SLC4A7: variants seen among roughly 807,000 people sequenced by gnomAD.
SLC4A7 encodes solute carrier family 4 member 7.
Under a neutral mutation model 137.6 loss-of-function variants are expected in SLC4A7, and 51 were observed. The observed-to-expected ratio is 0.37, with a 90% CI of 0.30 to 0.47. SLC4A7 has a LOEUF of 0.47. Among genes scored for constraint, SLC4A7 ranks in the 20% least tolerant of loss-of-function variants. SLC4A7 has a pLI of 1.00. For synonymous variants in SLC4A7, 542 were observed against 518.6 expected, an observed-to-expected ratio of 1.05 and a Z score of -0.61; for missense variants, 1,247 against 1,525.4, an observed-to-expected ratio of 0.82 and a Z score of 3.04.
chr3:27,411,767 A>C lies in SLC4A7; in HGVS notation c.1660-19T>G. The C allele has an allele frequency of 1.4e-6, 2 of 1,394,642 alleles. No individual in the cohort carries two copies. The highest frequency in any genetic ancestry group is 2.0e-6 in the Non-Finnish European group (2 of 1,024,604). The allele number at this position is 1,394,642 out of a possible 1,614,324, so 86.4% of individuals were successfully genotyped here. On this transcript the variant is annotated intron_variant, in intron 11 of 25. Transcript: ENST00000454389. ...TCTTTTCCTGAATTTCACAAAAAAC[A>C]TTATTTTCAGAATTCTATTTTAAGA...
chr3:27,481,462 T>G (rs1230530533), intron 1 of SLC4A7, among the ~76,000 whole-genome samples: 1 of 152,242 alleles, frequency 6.6e-6, no homozygotes, highest in East Asian at 1.9e-4. Flanking sequence ...TTTGTTCTAC[T>G]TTTTTGGCTA....
At chr3:27,430,395 G>C (rs972913889) in intron 7 of SLC4A7, among the ~76,000 whole-genome samples, 1 of 151,736 alleles carries the variant, frequency 6.6e-6, no homozygotes, top group Non-Finnish European at 1.5e-5. Flanking sequence ...GGCCAAGGTG[G>C]GTGGATCACT....
intron 3 of SLC4A7, among the ~76,000 whole-genome samples, chr3:27,439,634 T>G (rs1203536029): frequency 6.6e-6 from 1 of 152,204 alleles, no homozygotes; most frequent in Non-Finnish European, 1.5e-5. Flanking sequence ...GTAGATTGCT[T>G]AGGATTTGCT....
intron 4 of SLC4A7, 150 bp from the exon 5 acceptor site, chr3:27,436,698 T>G (rs550869408): frequency 3.7e-6 from 2 of 533,982 alleles, no homozygotes; most frequent in Admixed American, 7.0e-5. Context: ...ATTAGGTTAA[T>G]GGTCTACAAT....
intron 6 of SLC4A7, among the ~76,000 whole-genome samples, 167 bp downstream of exon 6, chr3:27,433,749 T>A (rs1197510262): frequency 6.6e-6 from 1 of 152,196 alleles, no homozygotes; most frequent in Non-Finnish European, 1.5e-5. Context: ...TTATGCCTCT[T>A]TAATTAATTA....
In SLC4A7 at chr3:27,420,694, GATTA is replaced by G. The variant is rs771672210; in HGVS notation, c.1512+2_1512+5del. ...ACTTCAAAGAGACTTGGAGTATTCT[GATTA>G]CCTCATCTGTCATGAGAGTGGCTAT... is the stretch of plus-strand genomic sequence containing the variant. On this transcript the variant is annotated splice_donor_variant and splice_donor_5th_base_variant and intron_variant, in intron 10 of 25. Transcript: ENST00000454389. LOFTEE classifies it high-confidence loss of function. 1 of 1,584,676 alleles carries G rather than the reference GATTA, an allele frequency of 6.3e-7. No individual in the cohort carries two copies. The highest frequency in any genetic ancestry group is 1.3e-5 in the African/African-American group (1 of 74,396).
intron 3 of SLC4A7, among the ~76,000 whole-genome samples, chr3:27,440,083 A>G (rs925315635): frequency 1.3e-5 from 2 of 152,188 alleles, no homozygotes; most frequent in Admixed American, 1.3e-4. Flanking sequence ...CTTGGCCATC[A>G]TGCTAGTAAC....
rs553705049 is a variant in SLC4A7 at position 27,463,095 on chromosome 3, A to G, written c.61-10597T>C. Among the ~76,000 whole-genome samples, 56 of 151,560 alleles carry G rather than the reference A, an allele frequency of 3.7e-4. No individual in the cohort carries two copies. The Middle Eastern group carries it at 0.017, about 47-fold the overall frequency. ...AGATCACCCGAGGTCAGGAGAGACCAGCCTGGCCAACATGGCGAAACCTCG... is the reference window on the plus strand; with the variant it reads ...AGATCACCCGAGGTCAGGAGAGACCGGCCTGGCCAACATGGCGAAACCTCG... On this transcript the variant is annotated intron_variant, in intron 1 of 25. Transcript: ENST00000454389.
chr3:27,407,478 C>CA lies in SLC4A7; in HGVS notation c.1941+1877dup, dbSNP rs11319544. Among the ~76,000 whole-genome samples the CA allele has an allele frequency of 4.6e-3, 533 of 116,854 alleles. 1 individual carries two copies. The highest frequency in any genetic ancestry group is 9.3e-3 in the Middle Eastern group (2 of 216). The allele number at this position is 116,854 out of a possible 152,430, so 76.7% of individuals were successfully genotyped here. On this transcript the variant is annotated intron_variant, in intron 13 of 25. Coordinates refer to ENST00000454389, the MANE Select transcript of SLC4A7 (RefSeq NM_001321103.2). Reference sequence around the variant, plus strand: ...CTGGTGACGGAGCGAGACTCCGCCTCAAAAAAAAAAAAAAAAATCAGCCTA... The same window carrying CA: ...CTGGTGACGGAGCGAGACTCCGCCTCAAAAAAAAAAAAAAAAAATCAGCCTA...
chr3:27,409,652 C>A, intron 12 of SLC4A7, 122 bp from the exon 13 acceptor site: 1 of 639,638 alleles, frequency 1.6e-6, no homozygotes, highest in South Asian at 2.3e-5. Context: ...AATGTTAAAT[C>A]CAATTTAACT....
intron 24 of SLC4A7, among the ~76,000 whole-genome samples, chr3:27,380,090 C>T (rs995999271): frequency 3.9e-5 from 6 of 152,072 alleles, no homozygotes; most frequent in East Asian, 1.9e-4. Context: ...GGGCGGATCA[C>T]GAGGTCAGGA....
intron 1 of SLC4A7, among the ~76,000 whole-genome samples, chr3:27,478,058 A>C (rs749637334): frequency 4.6e-5 from 7 of 152,166 alleles, no homozygotes; most frequent in Non-Finnish European, 7.3e-5. Flanking sequence ...AGCTTTTCCA[A>C]ATTGGGAAAT....
chr3:27,452,154 AAG>A (rs2058114036), intron 2 of SLC4A7, among the ~76,000 whole-genome samples: 1 of 152,152 alleles, frequency 6.6e-6, no homozygotes, highest in Non-Finnish European at 1.5e-5. Flanking sequence ...TGAAAAAAAT[AAG>A]AGTTAACTAA....
intron 25 of SLC4A7, among the ~76,000 whole-genome samples, chr3:27,377,056 C>G (rs1452435059): frequency 1.3e-5 from 2 of 151,820 alleles, no homozygotes; most frequent in East Asian, 1.9e-4. Context: ...ATTAAAAATC[C>G]TCTTTGCAAT....
chr3:27,380,018 AAC>A (rs2050256002), intron 24 of SLC4A7, among the ~76,000 whole-genome samples: 1 of 152,212 alleles, frequency 6.6e-6, no homozygotes, highest in Admixed American at 6.5e-5. Flanking sequence ...AAATTAAAAG[AAC>A]AGAGTAGGCC....
intron 22 of SLC4A7, among the ~76,000 whole-genome samples, chr3:27,387,103 G>A (rs1342411900): frequency 2.0e-5 from 3 of 152,100 alleles, no homozygotes; most frequent in Non-Finnish European, 4.4e-5. Flanking sequence ...TGGCTACACT[G>A]ACTTGTCAGC....
At chr3:27,417,855 G>A (rs1559711664) in intron 11 of SLC4A7, among the ~76,000 whole-genome samples, 1 of 152,038 alleles carries the variant, frequency 6.6e-6, no homozygotes, top group African/African-American at 2.4e-5. Flanking sequence ...ACACACTGTC[G>A]GTGAGGATGC....
intron 1 of SLC4A7, among the ~76,000 whole-genome samples, chr3:27,479,477 T>A (rs1212517231): frequency 1.3e-5 from 2 of 152,000 alleles, no homozygotes; most frequent in African/African-American, 2.4e-5. Context: ...TTTGAAAATG[T>A]CTAGTCCATG....
chr3:27,430,655 C>T lies in SLC4A7; in HGVS notation c.1150+643G>A, dbSNP rs571644585. 5.0e-5 allele frequency among the ~76,000 whole-genome samples: 7 copies of T among 141,134 alleles called. No individual in the cohort carries two copies. The East Asian group carries it at 1.4e-3, about 29-fold the overall frequency. 92.6% of individuals were successfully genotyped at this position (141,134 alleles called of 152,430 possible). A position where few individuals can be genotyped will look rare whatever the true frequency, so the allele number is the denominator to read the frequency against. ...CCCAGCCTGGCCAGCATGGTGAAAA[C>T]ATGTCTCCACAAAAAAATACAAAAA... is the stretch of plus-strand genomic sequence containing the variant. On this transcript the variant is annotated intron_variant, in intron 7 of 25. Coordinates refer to ENST00000454389, the MANE Select transcript of SLC4A7 (RefSeq NM_001321103.2).
Sources: gnomAD v4.1 joint callset for allele counts (sites outside exome capture counted in the v4.1 genomes callset) on GRCh38, gnomAD v4.1.1 for gene constraint, MANE v1.5 for transcripts, NCBI Gene and HGNC (gene_info 2026-07-23, HGNC 2026-07-21) for gene names.